PRR16: variants seen among roughly 807,000 people sequenced by gnomAD.
PRR16 encodes the protein protein Largen.
In PRR16, 6 loss-of-function variants were observed where a neutral mutation model predicts 18.2. The ratio of observed to expected loss-of-function variants is 0.33; its 90% CI spans 0.18 to 0.65. PRR16 has a LOEUF of 0.65. PRR16 is among the 30% of genes least tolerant of loss of function. The pLI is 0.74. For missense variants in PRR16, 412 were observed against 376.6 expected, an observed-to-expected ratio of 1.09 and a Z score of -0.78; for synonymous variants, 151 against 147.8, an observed-to-expected ratio of 1.02 and a Z score of -0.16.
chr5:120,702,609 T>C, the PRR16 span, among the ~76,000 whole-genome samples: 3 of 152,250 alleles, frequency 2.0e-5, no homozygotes, highest in African/African-American at 7.2e-5. Flanking sequence ...CGTGAAATGA[T>C]TAAACACCAA....
At chr5:120,526,013 G>T (rs997762032) in intron 1 of PRR16, among the ~76,000 whole-genome samples, 2 of 152,120 alleles carry the variant, frequency 1.3e-5, no homozygotes, top group South Asian at 4.1e-4. Flanking sequence ...TTCATTTTTG[G>T]CTGGGAAAGG....
the PRR16 span, among the ~76,000 whole-genome samples, chr5:120,748,275 A>G: frequency 6.6e-6 from 1 of 152,106 alleles, no homozygotes; most frequent in Non-Finnish European, 1.5e-5. Flanking sequence ...AATAGACAAG[A>G]TTTGTTAATA....
chr5:120,783,070 T>G, the PRR16 span, among the ~76,000 whole-genome samples: 2 of 152,290 alleles, frequency 1.3e-5, no homozygotes, highest in African/African-American at 2.4e-5. Flanking sequence ...CGCACTGCTC[T>G]CAGACTCAGG....
chr5:120,674,923 TTTTTA>T (rs1340659821), intron 1 of PRR16, among the ~76,000 whole-genome samples: 2 of 152,150 alleles, frequency 1.3e-5, no homozygotes, highest in Middle Eastern at 3.4e-3. Context: ...TATTCCAATT[TTTTTA>T]TTTTATTGCT....
chr5:120,632,467 G>T (rs1755089367), intron 1 of PRR16, among the ~76,000 whole-genome samples: 1 of 151,694 alleles, frequency 6.6e-6, no homozygotes, highest in Non-Finnish European at 1.5e-5. Context: ...CAAATATAAA[G>T]AAATTAAAAA....
chr5:120,565,923 A>G (rs1752722265), intron 1 of PRR16, among the ~76,000 whole-genome samples: 1 of 152,178 alleles, frequency 6.6e-6, no homozygotes, highest in Non-Finnish European at 1.5e-5. Context: ...CTGAATTTTG[A>G]TAGTTTGATT....
chr5:120,715,235 A>G, the PRR16 span, among the ~76,000 whole-genome samples: 3 of 152,172 alleles, frequency 2.0e-5, no homozygotes, highest in African/African-American at 7.2e-5. Flanking sequence ...TTATTTACAG[A>G]CAGTATAAAA....
the PRR16 span, among the ~76,000 whole-genome samples, chr5:120,706,526 C>G: frequency 6.6e-6 from 1 of 152,128 alleles, no homozygotes; most frequent in Non-Finnish European, 1.5e-5. Context: ...TATCACACCA[C>G]TATACCTGAT....
chr5:120,492,464 G>T (rs746681282), intron 1 of PRR16, among the ~76,000 whole-genome samples: 1 of 151,842 alleles, frequency 6.6e-6, no homozygotes, highest in Admixed American at 6.6e-5. Context: ...GATAATTTTT[G>T]TAACTATTAC....
intron 1 of PRR16, among the ~76,000 whole-genome samples, chr5:120,565,637 C>G (rs1327313523): frequency 6.6e-6 from 1 of 152,166 alleles, no homozygotes; most frequent in Non-Finnish European, 1.5e-5. Flanking sequence ...TAGCAAATCT[C>G]TACTCTCACA....
At chr5:120,704,570 C>T in the PRR16 span, among the ~76,000 whole-genome samples, 5 of 152,092 alleles carry the variant, frequency 3.3e-5, no homozygotes, top group Admixed American at 3.3e-4. Flanking sequence ...AACTCATGAG[C>T]CTTATTTCTT....
At chr5:120,615,467 T>G (rs1411739025) in intron 1 of PRR16, among the ~76,000 whole-genome samples, 5 of 150,946 alleles carry the variant, frequency 3.3e-5, no homozygotes, top group Admixed American at 2.6e-4. Flanking sequence ...TTCTGAAGTA[T>G]TAAAATAGAG....
Position 120,525,346 on chromosome 5 carries a change from G to T in PRR16, c.159+60701G>T, listed in dbSNP as rs182970223. On this transcript the variant is annotated intron_variant, in intron 1 of 1. Transcript: ENST00000407149. ...TTTCTGCCAGTTCTTCCATATCCAG[G>T]CTCGAACTTAATAAATTAAATATGA... 3.2e-3 allele frequency among the ~76,000 whole-genome samples: 483 copies of T among 151,986 alleles called. 2 individuals are homozygous for T. The highest frequency in any genetic ancestry group is 0.011 in the African/African-American group (453 of 41,462).
intron 1 of PRR16, among the ~76,000 whole-genome samples, chr5:120,653,180 C>A (rs1367523860): frequency 1.3e-5 from 2 of 151,558 alleles, no homozygotes; most frequent in Non-Finnish European, 2.9e-5. Context: ...TCTGGGAGGG[C>A]CTGTGGTATT....
Position 120,518,086 on chromosome 5 carries a change from T to A in PRR16, c.159+53441T>A, listed in dbSNP as rs554850890. On this transcript the variant is annotated intron_variant, in intron 1 of 1. Transcript: ENST00000407149. ...ACTATCTTGTCTGCTTTCAGATGTC[T>A]ATGACCCGGACATGTGACTTACCCT... 2.1e-3 allele frequency among the ~76,000 whole-genome samples: 326 copies of A among 152,314 alleles called. 1 individual carries two copies. The highest frequency in any genetic ancestry group is 5.9e-3 in the Admixed American group (90 of 15,298).
chr5:120,724,417 C>T, the PRR16 span, among the ~76,000 whole-genome samples: 2 of 152,034 alleles, frequency 1.3e-5, no homozygotes, highest in Non-Finnish European at 2.9e-5. Flanking sequence ...ATGAGGATTG[C>T]ATCTATTCCT....
At chr5:120,704,935 G>GT in the PRR16 span, among the ~76,000 whole-genome samples, 123 of 152,080 alleles carry the variant, frequency 8.1e-4, no homozygotes, top group African/African-American at 2.7e-3. Context: ...GCATTAAAAC[G>GT]TTTTTTTAAT....
At chr5:120,649,255 T>A (rs759624433) in intron 1 of PRR16, among the ~76,000 whole-genome samples, 2 of 152,118 alleles carry the variant, frequency 1.3e-5, no homozygotes, top group Non-Finnish European at 2.9e-5. Flanking sequence ...GTATTAATTT[T>A]AAGGTAATGG....
At chr5:120,605,352 T>C (rs776440280) in intron 1 of PRR16, among the ~76,000 whole-genome samples, 1 of 152,238 alleles carries the variant, frequency 6.6e-6, no homozygotes, top group Non-Finnish European at 1.5e-5. Context: ...TAAATTCCTA[T>C]AGTGAAATTT....
Sources: gnomAD v4.1 joint callset for allele counts (sites outside exome capture counted in the v4.1 genomes callset) on GRCh38, gnomAD v4.1.1 for gene constraint, MANE v1.5 for transcripts, NCBI Gene and HGNC (gene_info 2026-07-23, HGNC 2026-07-21) for gene names.